The following PCDHA4 variants were observed in gnomAD, a reference collection of about 807,000 sequenced individuals.
PCDHA4 encodes the protein protocadherin alpha 4.
Under a neutral mutation model 61.4 loss-of-function variants are expected in PCDHA4, and 49 were observed. The observed-to-expected ratio is 0.80, with a 90% CI of 0.63 to 1.01. The LOEUF (loss-of-function observed/expected upper bound fraction) is 1.01. Ranked by LOEUF, PCDHA4 falls within the 50% of genes least tolerant of loss-of-function variation. PCDHA4 has a pLI of 0.00. For missense variants in PCDHA4, 1,254 were observed against 1,235.8 expected, an observed-to-expected ratio of 1.01 and a Z score of -0.22; for synonymous variants, 590 against 550.3, an observed-to-expected ratio of 1.07 and a Z score of -1.01.
chr5:140,901,466 C>T (rs782517412), intron 1 of PCDHA4, among the ~76,000 whole-genome samples: 3 of 152,062 alleles, frequency 2.0e-5, no homozygotes, highest in Admixed American at 6.5e-5. Flanking sequence ...TGTCTTTTCT[C>T]GAGTTTATGT....
intron 1 of PCDHA4, chr5:140,822,619 A>T: frequency 6.2e-7 from 1 of 1,610,996 alleles, no homozygotes; most frequent in Non-Finnish European, 8.5e-7. Flanking sequence ...TTTCTTTAGT[A>T]ATCTTGTTCT....
At chr5:140,836,409 C>T in intron 1 of PCDHA4, 1 of 1,613,780 alleles carries the variant, frequency 6.2e-7, no homozygotes, top group South Asian at 1.1e-5. Flanking sequence ...CGGCCAGGCA[C>T]CAAAGGCGTC....
chr5:140,941,996 A>G (rs951664999), intron 1 of PCDHA4, among the ~76,000 whole-genome samples: 1 of 152,220 alleles, frequency 6.6e-6, no homozygotes, highest in Non-Finnish European at 1.5e-5. Flanking sequence ...AGGGATTCAT[A>G]TCTCTTATTA....
intron 1 of PCDHA4, chr5:140,870,439 G>T (rs374343977): frequency 6.2e-7 from 1 of 1,614,244 alleles, no homozygotes; most frequent in African/African-American, 1.3e-5. Context: ...GGAGGTGGCC[G>T]ACGTGAACGA....
chr5:140,896,485 C>T (rs1259028670), intron 1 of PCDHA4, among the ~76,000 whole-genome samples: 1 of 152,032 alleles, frequency 6.6e-6, no homozygotes, highest in African/African-American at 2.4e-5. Flanking sequence ...GCCTCAGCCT[C>T]CTGAGTAGCT....
At chr5:140,995,106 G>C (rs1318120210) in intron 3 of PCDHA4, among the ~76,000 whole-genome samples, 6 of 152,180 alleles carry the variant, frequency 3.9e-5, no homozygotes, top group East Asian at 1.9e-4. Context: ...TACATTCCAA[G>C]ACCCTCAGTG....
At chr5:140,843,301 C>A (rs138591837) in intron 1 of PCDHA4, 5 of 1,595,850 alleles carry the variant, frequency 3.1e-6, no homozygotes, top group Middle Eastern at 1.7e-4. Context: ...CTGCGCTGAC[C>A]GCCACGGCCA....
chr5:140,974,043 TATG>T (rs1554235772), intron 1 of PCDHA4, among the ~76,000 whole-genome samples: 1 of 152,238 alleles, frequency 6.6e-6, no homozygotes, highest in Non-Finnish European at 1.5e-5. Flanking sequence ...AGCTTATTAA[TATG>T]ATAATATTTG....
intron 1 of PCDHA4, among the ~76,000 whole-genome samples, chr5:140,821,120 T>C (rs1424425591): frequency 6.6e-5 from 10 of 152,074 alleles, no homozygotes; most frequent in African/African-American, 1.7e-4. Context: ...AACAGTGAAA[T>C]TGGAATAAAA....
At chr5:140,889,302 C>T (rs1323356979) in intron 1 of PCDHA4, among the ~76,000 whole-genome samples, 1 of 151,926 alleles carries the variant, frequency 6.6e-6, no homozygotes, top group Non-Finnish European at 1.5e-5. Flanking sequence ...TTGGAGAACT[C>T]ACTGTTGAAG....
At position 140,835,575 on chromosome 5, in the gene PCDHA4, G is replaced by A; in HGVS notation, c.2385+26003G>A. The A allele has an allele frequency of 6.2e-7, 1 of 1,613,870 alleles. No individual in the cohort carries two copies. ...GACGCCCCGCGTTCCCTTCAAGTTG[G>A]TGTCCACCTTCAAGAATTACTATTC... On this transcript the variant is annotated intron_variant, in intron 1 of 3. Transcript: ENST00000530339.
intron 3 of PCDHA4, among the ~76,000 whole-genome samples, chr5:140,990,330 A>C (rs1554251426): frequency 6.6e-6 from 1 of 152,122 alleles, no homozygotes; most frequent in African/African-American, 2.4e-5. Context: ...AAACTTTAAA[A>C]ATAAGTAAAG....
chr5:140,849,895 A>G (rs2150456565), intron 1 of PCDHA4: 1 of 1,598,460 alleles, frequency 6.3e-7, no homozygotes, highest in South Asian at 1.1e-5. Flanking sequence ...GTGAAGGAGA[A>G]CAACCCGCCG....
chr5:140,953,961 G>C lies in PCDHA4; in HGVS notation c.2386-24988G>C, dbSNP rs140078691. ...CCCATTGCTCCCCCAACAGGCCCCA[G>C]TGTGTGTTGTTCCCCTTCATATTTT... On this transcript the variant is annotated intron_variant, in intron 1 of 3. Coordinates refer to ENST00000530339, the MANE Select transcript of PCDHA4 (RefSeq NM_018907.4). 1.0e-3 allele frequency among the ~76,000 whole-genome samples: 152 copies of C among 152,128 alleles called. 3 individuals are homozygous for C. In the East Asian group the frequency reaches 0.026, roughly 26 times the overall value.
chr5:141,005,691 A>G (rs1481537036), intron 3 of PCDHA4, among the ~76,000 whole-genome samples: 1 of 134,408 alleles, frequency 7.4e-6, no homozygotes, highest in Non-Finnish European at 1.6e-5. Flanking sequence ...GACAGAGCGA[A>G]ACTCCGTCTC....
intron 1 of PCDHA4, among the ~76,000 whole-genome samples, chr5:140,892,414 C>G (rs2063506203): frequency 6.6e-6 from 1 of 152,124 alleles, no homozygotes; most frequent in Non-Finnish European, 1.5e-5. Context: ...TTCAGGTATT[C>G]TAGATAAAAC....
intron 1 of PCDHA4, among the ~76,000 whole-genome samples, chr5:140,901,445 C>T (rs1207516323): frequency 6.6e-6 from 1 of 152,074 alleles, no homozygotes; most frequent in Admixed American, 6.6e-5. Context: ...ATCTAGTTTC[C>T]CAGCACAGAC....
intron 3 of PCDHA4, among the ~76,000 whole-genome samples, chr5:140,982,861 G>A (rs1356683030): frequency 1.3e-5 from 2 of 152,110 alleles, no homozygotes; most frequent in African/African-American, 4.8e-5. Flanking sequence ...CCTTTCAAAT[G>A]CTTAGGTCAT....
rs56843453 is a variant in PCDHA4 at position 141,000,391 on chromosome 5, C to A, written c.2534-9236C>A. Reference sequence around the variant, plus strand: ...TCTCTCTCTCTCTCTCTCTCTCTCTCTCTCTATATATATATATATATATAT... The same window carrying A: ...TCTCTCTCTCTCTCTCTCTCTCTCTATCTCTATATATATATATATATATAT... On this transcript the variant is annotated intron_variant, in intron 3 of 3. Transcript: ENST00000530339. Among the ~76,000 whole-genome samples the A allele has an allele frequency of 8.6e-3, 487 of 56,544 alleles. 1 individual carries two copies. Among genetic ancestry groups the A allele is most frequent in the Non-Finnish European group, 9.4e-3 (310 of 32,842 alleles). The allele number at this position is 56,544 out of a possible 152,430, so 37.1% of individuals were successfully genotyped here.
Sources: allele counts gnomAD v4.1 joint callset (sites outside exome capture counted in the v4.1 genomes callset), GRCh38; gene constraint gnomAD v4.1.1; transcripts MANE v1.5; gene names NCBI Gene and HGNC (gene_info 2026-07-23, HGNC 2026-07-21).